The following SV2C variants were observed in gnomAD, a reference collection of about 807,000 sequenced individuals.
The protein encoded by SV2C is solute carrier family 22 member B3.
Under a neutral mutation model 79.7 loss-of-function variants are expected in SV2C, and 49 were observed. That is an observed-to-expected ratio of 0.61 (90% CI 0.49 to 0.78). The LOEUF is 0.78. Ranked by LOEUF, SV2C falls within the 30% of genes least tolerant of loss-of-function variation. The pLI, the probability that SV2C is intolerant of heterozygous loss-of-function variation, is 0.00. For missense variants in SV2C, 833 were observed against 912.9 expected (o/e 0.91, Z 1.13); for synonymous variants, 334 against 333.2 (o/e 1.00, Z -0.03).
intron 2 of SV2C, among the ~76,000 whole-genome samples, chr5:76,194,515 C>G (rs549034883): frequency 8.9e-4 from 135 of 152,340 alleles, no homozygotes; most frequent in African/African-American, 3.2e-3. Context: ...GAAGGATGAT[C>G]TGTCCATAGT....
chr5:76,180,038 T>C (rs1743671447), intron 2 of SV2C, among the ~76,000 whole-genome samples: 1 of 152,228 alleles, frequency 6.6e-6, no homozygotes, highest in African/African-American at 2.4e-5. Context: ...CACTGTGTGA[T>C]CTTTGAGTTC....
rs375351450 is a variant in SV2C, at chr5:76,130,145, T to TAAAAAAAA, written c.-101-1477_-101-1470dup. On this transcript the variant is annotated intron_variant, in intron 1 of 12. Coordinates refer to ENST00000502798, the MANE Select transcript of SV2C (RefSeq NM_014979.4). ...CTCCCTTTCTCTTCCTCTCAGTTCT[T>TAAAAAAAA]AAAAAAAAAAAAAAAAAAAAAAAAA... Among the ~76,000 whole-genome samples the TAAAAAAAA allele has an allele frequency of 3.1e-3, 213 of 67,812 alleles. 1 individual carries two copies. Among genetic ancestry groups the TAAAAAAAA allele is most frequent in the African/African-American group, 4.5e-3 (52 of 11,440 alleles). The allele number at this position is 67,812 out of a possible 152,430, so 44.5% of individuals were successfully genotyped here. A position where few individuals can be genotyped will look rare whatever the true frequency, so the allele number is the denominator to read the frequency against.
chr5:76,200,699 G>C (rs1000402999), intron 3 of SV2C, among the ~76,000 whole-genome samples: 1 of 152,150 alleles, frequency 6.6e-6, no homozygotes, highest in East Asian at 1.9e-4. Context: ...GAATGCAGTG[G>C]TGCGATCATG....
chr5:75,910,876 G>A, the SV2C span: 1,093 of 1,060,116 alleles, frequency 1.0e-3, 2 homozygotes, highest in Non-Finnish European at 1.4e-3. Context: ...TCTATGAGAT[G>A]ATGAGCAAAC....
At chr5:75,991,614 T>C in the SV2C span, among the ~76,000 whole-genome samples, 4 of 148,480 alleles carry the variant, frequency 2.7e-5, no homozygotes, top group Non-Finnish European at 5.9e-5. Flanking sequence ...TGGATACATA[T>C]ATGCAAAACC....
the SV2C span, among the ~76,000 whole-genome samples, chr5:75,999,136 G>A: frequency 2.6e-5 from 4 of 152,050 alleles, no homozygotes; most frequent in East Asian, 3.9e-4. Context: ...TCACTATCAC[G>A]AGAACAGCAT....
At chr5:76,102,497 T>A (rs1747776879) in intron 1 of SV2C, among the ~76,000 whole-genome samples, 1 of 152,138 alleles carries the variant, frequency 6.6e-6, no homozygotes, top group Admixed American at 6.5e-5. Flanking sequence ...CATTCTCTTG[T>A]CTGTATTTTG....
chr5:76,049,066 G>A, the SV2C span, among the ~76,000 whole-genome samples: 3 of 151,458 alleles, frequency 2.0e-5, no homozygotes, highest in Non-Finnish European at 2.9e-5. Context: ...GGCTGGGCGC[G>A]GTGGCTCATG....
chr5:76,037,898 C>G, the SV2C span, among the ~76,000 whole-genome samples: 1 of 152,192 alleles, frequency 6.6e-6, no homozygotes, highest in Non-Finnish European at 1.5e-5. Flanking sequence ...AGTGAGACTC[C>G]GTGGGCATAG....
the SV2C span, among the ~76,000 whole-genome samples, chr5:76,027,488 ACATT>A: frequency 8.4e-6 from 1 of 118,406 alleles, no homozygotes; most frequent in East Asian, 2.1e-4. Context: ...ATTTCTTGAA[ACATT>A]TATTTATTTA....
the SV2C span, among the ~76,000 whole-genome samples, chr5:75,883,595 C>T: frequency 2.7e-5 from 4 of 145,656 alleles, no homozygotes; most frequent in South Asian, 8.6e-4. Flanking sequence ...GAACAAAAAA[C>T]CCAACACCGC....
At chr5:75,903,074 T>C in the SV2C span, among the ~76,000 whole-genome samples, 1 of 152,210 alleles carries the variant, frequency 6.6e-6, no homozygotes, top group East Asian at 1.9e-4. Flanking sequence ...TACATAGTTT[T>C]GAACAACTTA....
intron 4 of SV2C, among the ~76,000 whole-genome samples, chr5:76,253,302 G>A (rs916150785): frequency 6.6e-5 from 10 of 151,856 alleles, no homozygotes; most frequent in Non-Finnish European, 1.5e-4. Flanking sequence ...TTGCTTTTTG[G>A]TTTTTTTGAG....
the SV2C span, among the ~76,000 whole-genome samples, chr5:75,994,012 T>G: frequency 6.6e-6 from 1 of 152,006 alleles, no homozygotes; most frequent in Non-Finnish European, 1.5e-5. Context: ...GAGTGAAAAT[T>G]TTTCCTTAAA....
At chr5:75,977,338 G>C in the SV2C span, among the ~76,000 whole-genome samples, 3 of 152,142 alleles carry the variant, frequency 2.0e-5, no homozygotes, top group African/African-American at 7.2e-5. Flanking sequence ...CGTCCTCTTT[G>C]TTTTAACCCT....
At chr5:76,168,156 T>C (rs868746624) in intron 2 of SV2C, among the ~76,000 whole-genome samples, 12 of 152,146 alleles carry the variant, frequency 7.9e-5, no homozygotes, top group Admixed American at 1.3e-4. Context: ...TCAAGGTCCA[T>C]GGCCCAGAGG....
the SV2C span, among the ~76,000 whole-genome samples, chr5:75,908,176 G>A: frequency 6.6e-6 from 1 of 152,210 alleles, no homozygotes; most frequent in East Asian, 1.9e-4. Flanking sequence ...GCTATTGGCA[G>A]TTGCTCTTGT....
the SV2C span, among the ~76,000 whole-genome samples, chr5:75,892,255 A>AT: frequency 4.1e-4 from 62 of 151,258 alleles, no homozygotes; most frequent in Middle Eastern, 0.01. Context: ...TTTTTAATAA[A>AT]TTTTTTTTTA....
chr5:76,054,151 C>T, the SV2C span, among the ~76,000 whole-genome samples: 2 of 152,020 alleles, frequency 1.3e-5, no homozygotes, highest in Non-Finnish European at 2.9e-5. Context: ...CCTTTACCCA[C>T]CCCCCTGACA....
Sources: allele counts gnomAD v4.1 joint callset (sites outside exome capture counted in the v4.1 genomes callset), GRCh38; gene constraint gnomAD v4.1.1; transcripts MANE v1.5; gene names NCBI Gene and HGNC (gene_info 2026-07-23, HGNC 2026-07-21).